Variants in ZFAT observed in about 807,000 individuals in gnomAD.
ZFAT encodes zinc finger and AT-hook domain containing, also known as zinc finger protein ZFAT.
In ZFAT, 64 loss-of-function variants were observed where a neutral mutation model predicts 117.7. That is an observed-to-expected ratio of 0.54 (90% CI 0.44 to 0.67). The LOEUF (loss-of-function observed/expected upper bound fraction) is 0.67. Ranked by LOEUF, ZFAT falls within the 30% of genes least tolerant of loss-of-function variation. ZFAT has a pLI of 0.00. For synonymous variants in ZFAT, 679 were observed against 615.0 expected (o/e 1.10, Z -1.54); for missense variants, 1,433 against 1,584.5 (o/e 0.90, Z 1.62).
At chr8:134,743,260 G>T in the ZFAT span, among the ~76,000 whole-genome samples, 1 of 152,150 alleles carries the variant, frequency 6.6e-6, no homozygotes, top group Admixed American at 6.5e-5. Context: ...AGGCAGAGGT[G>T]GGTGGATCAC....
At chr8:134,526,288 TTTAA>T (rs1437748602) in intron 12 of ZFAT, among the ~76,000 whole-genome samples, 1 of 152,234 alleles carries the variant, frequency 6.6e-6, no homozygotes, top group African/African-American at 2.4e-5. Flanking sequence ...CCACAGTGAC[TTTAA>T]TTAAAGAACA....
intron 3 of ZFAT, among the ~76,000 whole-genome samples, chr8:134,611,291 T>C (rs1828312892): frequency 6.6e-6 from 1 of 152,228 alleles, no homozygotes. Flanking sequence ...TGCGAAGCAA[T>C]GGTCAGGAAA....
At chr8:134,806,175 C>T in the ZFAT span, among the ~76,000 whole-genome samples, 2 of 152,040 alleles carry the variant, frequency 1.3e-5, no homozygotes, top group Non-Finnish European at 2.9e-5. Context: ...AACCAATATA[C>T]AAATTCTGAG....
intron 11 of ZFAT, among the ~76,000 whole-genome samples, chr8:134,534,651 G>A (rs1488972861): frequency 6.7e-6 from 1 of 149,114 alleles, no homozygotes; most frequent in Non-Finnish European, 1.5e-5. Context: ...GGGAGAGAGG[G>A]AGAAAGGGAG....
intron 12 of ZFAT, among the ~76,000 whole-genome samples, chr8:134,532,595 T>C (rs1254824941): frequency 2.6e-5 from 4 of 152,248 alleles, no homozygotes; most frequent in African/African-American, 9.6e-5. Flanking sequence ...TGTGTGTGAA[T>C]TTTTACTTCT....
chr8:134,675,158 A>G (rs988136464), intron 1 of ZFAT, among the ~76,000 whole-genome samples: 1 of 152,204 alleles, frequency 6.6e-6, no homozygotes, highest in Non-Finnish European at 1.5e-5. Context: ...AATTCCTCCA[A>G]GCTAAAGGAG....
At chr8:134,769,387 G>C in the ZFAT span, among the ~76,000 whole-genome samples, 1 of 152,186 alleles carries the variant, frequency 6.6e-6, no homozygotes, top group Non-Finnish European at 1.5e-5. Context: ...AAATCCAGTG[G>C]GGCAGTCAAA....
At chr8:134,629,364 C>G (rs941689945) in intron 3 of ZFAT, among the ~76,000 whole-genome samples, 1 of 152,090 alleles carries the variant, frequency 6.6e-6, no homozygotes, top group Non-Finnish European at 1.5e-5. Flanking sequence ...AACCATGCGG[C>G]CGTCACTAGT....
chr8:134,484,557 A>G (rs917764793), intron 15 of ZFAT, among the ~76,000 whole-genome samples: 30 of 152,160 alleles, frequency 2.0e-4, no homozygotes, highest in Admixed American at 1.8e-3. Context: ...ATTCTATGGA[A>G]GGGAAGTCAA....
intron 2 of ZFAT, among the ~76,000 whole-genome samples, chr8:134,642,238 C>A (rs541287102): frequency 1.2e-4 from 18 of 152,288 alleles, no homozygotes; most frequent in Non-Finnish European, 2.2e-4. Context: ...ATCACATACC[C>A]CTGAAGCATG....
intron 1 of ZFAT, among the ~76,000 whole-genome samples, chr8:134,686,472 T>G (rs1447962236): frequency 1.3e-5 from 2 of 152,182 alleles, no homozygotes; most frequent in African/African-American, 4.8e-5. Flanking sequence ...GTTTATCCTA[T>G]GCATATTTCT....
At chr8:134,535,190 T>C (rs1333872836) in intron 11 of ZFAT, among the ~76,000 whole-genome samples, 1 of 152,236 alleles carries the variant, frequency 6.6e-6, no homozygotes, top group Non-Finnish European at 1.5e-5. Flanking sequence ...TTTGTTCTTC[T>C]GTTCTGGTCC....
chr8:134,642,262 C>T (rs1830628531), intron 2 of ZFAT, among the ~76,000 whole-genome samples: 1 of 152,182 alleles, frequency 6.6e-6, no homozygotes, highest in Non-Finnish European at 1.5e-5. Context: ...AAGAAAAGGT[C>T]AGCACTACAC....
Position 134,691,391 on chromosome 8 carries a change from G to T in ZFAT, c.19+21454C>A, listed in dbSNP as rs141022465. Among the ~76,000 whole-genome samples, 431 of 152,368 alleles carry T rather than the reference G, an allele frequency of 2.8e-3. 2 individuals carry two copies. Among genetic ancestry groups the T allele is most frequent in the African/African-American group, 0.01 (420 of 41,590 alleles). On this transcript the variant is annotated intron_variant, in intron 1 of 15. Coordinates refer to ENST00000377838, the MANE Select transcript of ZFAT (RefSeq NM_020863.4). The stretch of plus-strand genomic sequence containing the variant: ...GAGGCCAGTCTCCGCTGCAGCGGGC[G>T]CCTCCACGGACACAGTGTCTCCCAA...
chr8:134,742,092 C>G, the ZFAT span, among the ~76,000 whole-genome samples: 1 of 152,202 alleles, frequency 6.6e-6, no homozygotes, highest in Non-Finnish European at 1.5e-5. Context: ...AGTCTCCTCT[C>G]TGCAACCTGA....
the ZFAT span, among the ~76,000 whole-genome samples, chr8:134,752,943 G>A: frequency 1.3e-5 from 2 of 152,158 alleles, no homozygotes; most frequent in Non-Finnish European, 1.5e-5. Context: ...GGTGGGGGAA[G>A]ATATAATTCA....
the ZFAT span, among the ~76,000 whole-genome samples, chr8:134,719,742 T>C: frequency 3.3e-5 from 5 of 152,204 alleles, no homozygotes; most frequent in African/African-American, 7.2e-5. Context: ...CAGCTGTGAA[T>C]GTGCAGAGGG....
At chr8:134,747,602 C>A in the ZFAT span, among the ~76,000 whole-genome samples, 3 of 152,130 alleles carry the variant, frequency 2.0e-5, no homozygotes, top group Non-Finnish European at 2.9e-5. Flanking sequence ...AAAATATAGC[C>A]AAATACACAT....
chr8:134,638,549 C>CAAAAAAAAAAAAAAAA lies in ZFAT; in HGVS notation c.197-838_197-837insTTTTTTTTTTTTTTTT, dbSNP rs758050176. ...TGAAACTCTGTCTCTACTAAAAATA[C>CAAAAAAAAAAAAAAAA]AAAAAAAAAACAAAACAAAAAAAAA... On this transcript the variant is annotated intron_variant, in intron 2 of 15. Transcript: ENST00000377838. Among the ~76,000 whole-genome samples the CAAAAAAAAAAAAAAAA allele has an allele frequency of 3.7e-4, 37 of 101,100 alleles. 2 individuals are homozygous for CAAAAAAAAAAAAAAAA. Among genetic ancestry groups the CAAAAAAAAAAAAAAAA allele is most frequent in the African/African-American group, 5.2e-4 (14 of 26,864 alleles). 66.3% of individuals were successfully genotyped at this position (101,100 alleles called of 152,430 possible).
Sources: gnomAD v4.1 joint callset for allele counts (sites outside exome capture counted in the v4.1 genomes callset) on GRCh38, gnomAD v4.1.1 for gene constraint, MANE v1.5 for transcripts, NCBI Gene and HGNC (gene_info 2026-07-23, HGNC 2026-07-21) for gene names.